The following CHMP1A variants were observed in gnomAD, a reference collection of about 807,000 sequenced individuals.
The protein encoded by CHMP1A is charged multivesicular body protein 1A.
A neutral mutation model predicts 27.0 loss-of-function variants in CHMP1A; 17 were observed. The observed-to-expected ratio is 0.63, with a 90% CI of 0.43 to 0.95. The LOEUF is 0.95. Ranked by LOEUF, CHMP1A falls within the 40% of genes least tolerant of loss-of-function variation. The pLI is 0.00. For missense variants in CHMP1A, 275 were observed against 264.0 expected (o/e 1.04, Z -0.29); for synonymous variants, 131 against 107.5 (o/e 1.22, Z -1.35).
rs546864527 is a variant in CHMP1A at position 89,649,390 on chromosome 16, T to C, written c.213A>G (p.Ala71=). Residue 71 remains alanine, a synonymous_variant, in exon 4 of 7, where the codon GCA becomes GCG. Coordinates refer to ENST00000397901, the MANE Select transcript of CHMP1A (RefSeq NM_002768.5). ...CAGCTGTCTGCACCTTGGAGGCCAC[T>C]GCGTCTACGCGGGACGCCATCCGAA... is the stretch of plus-strand genomic sequence containing the variant. ...NWLRMASRVD[A]VASKVQTAVT... The C allele has an allele frequency of 1.8e-4, 286 of 1,613,700 alleles. 1 individual carries two copies. The South Asian group carries it at 2.9e-3, about 16-fold the overall frequency.
intron 5 of CHMP1A, 21 bp downstream of exon 5, chr16:89,647,182 C>T (rs780380863): frequency 1.2e-6 from 2 of 1,606,266 alleles, no homozygotes; most frequent in African/African-American, 1.3e-5. Context: ...GGCCACAGCC[C>T]CAAGGGTAGG....
chr16:89,652,209 C>A (rs1159614277), intron 2 of CHMP1A, among the ~76,000 whole-genome samples: 1 of 151,788 alleles, frequency 6.6e-6, no homozygotes, highest in Non-Finnish European at 1.5e-5. Flanking sequence ...CACAAGGACA[C>A]AGGACCTCTG....
At chr16:89,652,023 GA>G (rs2059828401) in intron 2 of CHMP1A, among the ~76,000 whole-genome samples, 2 of 152,230 alleles carry the variant, frequency 1.3e-5, no homozygotes, top group African/African-American at 4.8e-5. Flanking sequence ...AAGACTGAAG[GA>G]AACTCATTTC....
chr16:89,647,376 T>C, intron 4 of CHMP1A, 45 bp from the exon 5 acceptor site: 3 of 1,570,906 alleles, frequency 1.9e-6, no homozygotes, highest in Non-Finnish European at 2.6e-6. Context: ...GAAAGGCAAG[T>C]GGAGCTCACG....
At chr16:89,647,451 A>C in intron 4 of CHMP1A, 120 bp from the exon 5 acceptor site, 4 of 876,058 alleles carry the variant, frequency 4.6e-6, no homozygotes, top group Non-Finnish European at 6.9e-6. Context: ...GACCCACAAA[A>C]CCCCAACTCT....
rs772060654 is a variant in CHMP1A, at chr16:89,645,928, G to C, written c.*138C>G. On this transcript the variant is annotated 3_prime_UTR_variant, in exon 7 of 7. Transcript: ENST00000397901. ...CAGGAACAACCCTAAGGCCACGCAG[G>C]CCTGGCAGGTGAGAGACGCAGAGTG... 4.0e-5 allele frequency: 64 copies of C among 1,610,686 alleles called. No individual in the cohort carries two copies. The highest frequency in any genetic ancestry group is 5.0e-5 in the Non-Finnish European group (59 of 1,178,666).
chr16:89,649,440 T>G lies in CHMP1A; in HGVS notation c.163A>C (p.Lys55Gln). The change falls in exon 4 of 7, where the codon AAG becomes CAG. Residue 55 changes from lysine (K) to glutamine (Q), a missense_variant. Physicochemically the swap from Lys to Gln is moderately conservative, Grantham distance 53 (BLOSUM62 1). Transcript: ENST00000397901. The part of the protein sequence containing the change: ...ARVYAENAIR[K>Q]KNEGVNWLRM... The stretch of plus-strand genomic sequence containing the variant: ...AGCCAGTTCACACCTTCGTTCTTCT[T>G]GCGGATGGCGTTCTCGGCATACACA... 5 of 1,613,738 alleles carry G rather than the reference T, an allele frequency of 3.1e-6. No homozygotes were observed. Among genetic ancestry groups the G allele is most frequent in the Non-Finnish European group, 4.2e-6 (5 of 1,179,878 alleles).
At chr16:89,651,755 A>G (rs1378518619) in intron 2 of CHMP1A, 109 bp from the exon 3 acceptor site, 4 of 1,074,060 alleles carry the variant, frequency 3.7e-6, no homozygotes, top group African/African-American at 3.2e-5. Flanking sequence ...ACAGGTTCCT[A>G]AGCCCCCATC....
intron 3 of CHMP1A, 112 bp from the exon 4 acceptor site, chr16:89,649,609 T>C: frequency 7.5e-7 from 1 of 1,335,616 alleles, no homozygotes; most frequent in Non-Finnish European, 1.0e-6. Context: ...GGAGTCTTGC[T>C]CTGTTGCCCA....
chr16:89,649,071 T>A, intron 4 of CHMP1A: 1 of 401,042 alleles, frequency 2.5e-6, no homozygotes, highest in East Asian at 4.1e-5. Flanking sequence ...TATCAAGAGG[T>A]CCTTCCTGGG....
At chr16:89,653,204 T>A (rs1488322013) in intron 2 of CHMP1A, among the ~76,000 whole-genome samples, 1 of 150,070 alleles carries the variant, frequency 6.7e-6, no homozygotes, top group African/African-American at 2.4e-5. Context: ...GTGTTTTTAG[T>A]AGAGATGGGG....
At chr16:89,648,681 A>G (rs1395513652) in intron 4 of CHMP1A, among the ~76,000 whole-genome samples, 1 of 151,974 alleles carries the variant, frequency 6.6e-6, no homozygotes, top group Admixed American at 6.6e-5. Context: ...GCTTGAGGCC[A>G]GGAGTTTGAG....
At chr16:89,648,682 G>C (rs955242780) in intron 4 of CHMP1A, among the ~76,000 whole-genome samples, 1 of 151,944 alleles carries the variant, frequency 6.6e-6, no homozygotes, top group Non-Finnish European at 1.5e-5. Flanking sequence ...CTTGAGGCCA[G>C]GAGTTTGAGA....
chr16:89,657,473 G>A (rs1052088699), intron 1 of CHMP1A, 109 bp downstream of exon 1: 1 of 1,399,820 alleles, frequency 7.1e-7, no homozygotes, highest in Non-Finnish European at 9.9e-7. Flanking sequence ...GTCGAGGCCC[G>A]AGCTCTCCTG....
At chr16:89,646,892 A>ACC in intron 5 of CHMP1A, 178 bp from the exon 6 acceptor site, 2 of 236,870 alleles carry the variant, frequency 8.4e-6, no homozygotes, top group South Asian at 5.3e-5. Flanking sequence ...CTGCCCCCCC[A>ACC]CCCAGCCCCA....
At chr16:89,649,228 C>T (rs1356423966) in intron 4 of CHMP1A, 123 bp downstream of exon 4, 6 of 1,097,366 alleles carry the variant, frequency 5.5e-6, no homozygotes, top group Non-Finnish European at 7.5e-6. Flanking sequence ...CTTCCCTCAA[C>T]CTCCCCACCC....
chr16:89,646,189 G>A, intron 6 of CHMP1A, 102 bp from the exon 7 acceptor site: 1 of 1,080,694 alleles, frequency 9.3e-7, no homozygotes, highest in South Asian at 1.6e-5. Flanking sequence ...AGTGTCCTGA[G>A]ATAACATGAG....
chr16:89,657,485 G>A, intron 1 of CHMP1A, 97 bp downstream of exon 1: 1 of 1,507,238 alleles, frequency 6.6e-7, no homozygotes, highest in South Asian at 1.2e-5. Flanking sequence ...GCTCTCCTGA[G>A]TCCTGCCCGC....
chr16:89,650,025 C>T (rs779742250), intron 3 of CHMP1A, among the ~76,000 whole-genome samples: 2 of 152,126 alleles, frequency 1.3e-5, no homozygotes, highest in African/African-American at 4.8e-5. Context: ...CGGGACACAG[C>T]GGGTGACACT....
Sources: gnomAD v4.1 joint callset for allele counts (sites outside exome capture counted in the v4.1 genomes callset) on GRCh38, gnomAD v4.1.1 for gene constraint, MANE v1.5 for transcripts, NCBI Gene and HGNC (gene_info 2026-07-23, HGNC 2026-07-21) for gene names.